Variants in ZNF728 observed in about 807,000 individuals in gnomAD.
ZNF728 encodes the protein zinc finger protein 728.
In ZNF728, 12 loss-of-function variants were observed where a neutral mutation model predicts 12.5. That is an observed-to-expected ratio of 0.96 (90% CI 0.61 to 1.55). ZNF728 has a LOEUF of 1.55. ZNF728 is among the 40% of genes most tolerant of loss of function. The probability of loss-of-function intolerance (pLI) is 0.00; values close to 1 mark genes in which losing one functional copy is unlikely to be tolerated. For synonymous variants in ZNF728, 205 were observed against 240.7 expected (o/e 0.85, Z 1.37); for missense variants, 692 against 719.2 (o/e 0.96, Z 0.43).
intron 1 of ZNF728, among the ~76,000 whole-genome samples, chr19:23,002,728 C>T (rs574309853): frequency 6.6e-6 from 1 of 152,328 alleles, no homozygotes; most frequent in African/African-American, 2.4e-5. Flanking sequence ...TGTGACGACC[C>T]TCCCATGCTC....
intron 1 of ZNF728, among the ~76,000 whole-genome samples, chr19:22,990,707 TAG>T (rs1475236009): frequency 6.6e-6 from 1 of 152,082 alleles, no homozygotes; most frequent in Admixed American, 6.6e-5. Flanking sequence ...GGCCTCACCT[TAG>T]AGTCACATGA....
Position 22,975,745 on chromosome 19 carries a change from G to A in ZNF728, c.1592C>T (p.Thr531Ile), listed in dbSNP as rs1193925607. 3.1e-6 allele frequency: 5 copies of A among 1,611,602 alleles called. No homozygotes were observed. Among genetic ancestry groups the A allele is most frequent in the South Asian group, 2.2e-5 (2 of 91,052 alleles). The change falls in exon 4 of 4, where the codon ACT (threonine) becomes ATT (isoleucine). Residue 531 changes from threonine to isoleucine, a missense_variant. By Grantham distance (89) the Thr-to-Ile change is moderately conservative (BLOSUM62 -1). Coordinates refer to ENST00000594710, the MANE Select transcript of ZNF728 (RefSeq NM_001267716.2). ...ANLTKHKVIH[T>I]GEKQYKCEEC... ...TTCACATTTGTATTGTTTCTCTCCA[G>A]TATGAATTACCTTATGTTTAGTAAG...
chr19:22,975,193 T>C lies in ZNF728; in HGVS notation c.*275A>G, dbSNP rs2042519733. Among the ~76,000 whole-genome samples the C allele has an allele frequency of 6.6e-6, 1 of 152,204 alleles. No individual in the cohort carries two copies. Among genetic ancestry groups the C allele is most frequent in the Non-Finnish European group, 1.5e-5 (1 of 68,034 alleles). On this transcript the variant is annotated 3_prime_UTR_variant, in exon 4 of 4. Coordinates refer to ENST00000594710, the MANE Select transcript of ZNF728 (RefSeq NM_001267716.2). ...TTATGTCTGTTAAGAATTGAGGATC[T>C]GTTAGAGGCTTTCCCACATTCTTCA...
intron 1 of ZNF728, among the ~76,000 whole-genome samples, chr19:23,001,685 T>G (rs1969115292): frequency 6.6e-6 from 1 of 152,188 alleles, no homozygotes; most frequent in African/African-American, 2.4e-5. Flanking sequence ...GAAAAAATAT[T>G]TACAAACAGA....
intron 1 of ZNF728, among the ~76,000 whole-genome samples, chr19:22,993,378 A>G (rs1426936025): frequency 6.6e-6 from 1 of 152,212 alleles, no homozygotes; most frequent in African/African-American, 2.4e-5. Context: ...CTCACTCTGC[A>G]TTTTTGGGTG....
chr19:22,987,737 T>A (rs1385576717), intron 2 of ZNF728, among the ~76,000 whole-genome samples: 2 of 152,194 alleles, frequency 1.3e-5, no homozygotes, highest in East Asian at 1.9e-4. Context: ...AAGGTCAAGA[T>A]GAAACATCTT....
intron 3 of ZNF728, among the ~76,000 whole-genome samples, chr19:22,982,802 T>C (rs1968874659): frequency 6.6e-6 from 1 of 152,162 alleles, no homozygotes; most frequent in African/African-American, 2.4e-5. Context: ...AAAAACTGGC[T>C]AGCCATACTC....
chr19:22,987,267 T>A (rs1291936675), intron 3 of ZNF728, 41 bp downstream of exon 3: 2 of 1,572,772 alleles, frequency 1.3e-6, no homozygotes, highest in South Asian at 2.4e-5. Context: ...TCCTTGACTT[T>A]GGACCTCTCA....
intron 3 of ZNF728, among the ~76,000 whole-genome samples, chr19:22,986,016 C>T (rs572646397): frequency 6.6e-6 from 1 of 152,288 alleles, no homozygotes; most frequent in South Asian, 2.1e-4. Flanking sequence ...ATGGGAATTA[C>T]AACTACCCAA....
Position 22,976,186 on chromosome 19 carries a change from G to C in ZNF728, c.1151C>G (p.Thr384Ser). 2 of 1,612,946 alleles carry C rather than the reference G, an allele frequency of 1.2e-6. No homozygotes were observed. Among genetic ancestry groups the C allele is most frequent in the Non-Finnish European group, 1.7e-6 (2 of 1,179,754 alleles). ...TCCAGCATGAATTCTCTTGTGTTCA[G>C]TAAGGCTTGAGGGCCAGCTGAAGGC... ...GKAFSWPSSL[T>S]EHKRIHAGDK... is the part of the protein sequence containing the mutation. Residue 384 changes from threonine to serine, a missense_variant, in exon 4 of 4, where the codon ACT becomes AGT. This residue lies in a region of ZNF728 where 440 missense variants were observed against 459.6 expected (regional missense o/e 0.96). Transcript: ENST00000594710.
At position 22,977,073 on chromosome 19, in the gene ZNF728, C is replaced by A; in HGVS notation, c.264G>T (p.Glu88Asp). The A allele has an allele frequency of 5.6e-6, 9 of 1,604,954 alleles. No individual in the cohort carries two copies. Among genetic ancestry groups the A allele is most frequent in the Non-Finnish European group, 7.6e-6 (9 of 1,176,692 alleles). ...TTTGGAAAGAATCTTCTCTGCCCTG[C>A]TCTGGCCAAAGGTCTTGAGCAAAAT... is the stretch of plus-strand genomic sequence containing the variant. ...CSHFAQDLWP[E>D]QGREDSFQKV... Residue 88 changes from glutamate to aspartate, a missense_variant, in exon 4 of 4, where the codon GAG becomes GAT. By Grantham distance (45) the Glu-to-Asp change is conservative (BLOSUM62 2). Transcript: ENST00000594710.
chr19:22,989,573 C>T (rs1424614543), intron 1 of ZNF728, among the ~76,000 whole-genome samples: 1 of 152,108 alleles, frequency 6.6e-6, no homozygotes, highest in Non-Finnish European at 1.5e-5. Context: ...ATCAACTACA[C>T]TAGAACAAAT....
In ZNF728 at chr19:22,976,389, T is replaced by C; in HGVS notation, c.948A>G (p.Glu316=). 6.2e-7 allele frequency: 1 copy of C among 1,613,462 alleles called. No homozygotes were observed. The highest frequency in any genetic ancestry group is 8.5e-7 in the Non-Finnish European group (1 of 1,179,944). The change falls in exon 4 of 4, where the codon GAA becomes GAG. Residue 316 remains glutamate, a synonymous_variant. Transcript: ENST00000594710. ...AGGACCGGTTGAAAGCTTTGCCACATTCTTCACATTTGTAGGGTTTCTCTC... is the reference window on the plus strand; with the variant it reads ...AGGACCGGTTGAAAGCTTTGCCACACTCTTCACATTTGTAGGGTTTCTCTC... ...HAGEKPYKCE[E]CGKAFNRSSN...
chr19:22,991,680 C>G (rs1236188708), intron 1 of ZNF728, among the ~76,000 whole-genome samples: 1 of 152,150 alleles, frequency 6.6e-6, no homozygotes, highest in Non-Finnish European at 1.5e-5. Context: ...TCTAAAAAGG[C>G]AACAGGATTC....
rs116724792 is a variant in ZNF728 at position 22,987,857 on chromosome 19, G to A, written c.131-454C>T. 4.7e-3 allele frequency among the ~76,000 whole-genome samples: 709 copies of A among 152,274 alleles called. 4 individuals are homozygous for A. Among genetic ancestry groups the A allele is most frequent in the African/African-American group, 0.014 (572 of 41,556 alleles). Reference sequence around the variant, plus strand: ...CAAAAGAGAAATGATGTTGGGAGCCGAAAGGCTGAGGGTTGTGACCAACTC... The same window carrying A: ...CAAAAGAGAAATGATGTTGGGAGCCAAAAGGCTGAGGGTTGTGACCAACTC... On this transcript the variant is annotated intron_variant, in intron 2 of 3. Coordinates refer to ENST00000594710, the MANE Select transcript of ZNF728 (RefSeq NM_001267716.2).
intron 1 of ZNF728, among the ~76,000 whole-genome samples, chr19:22,996,278 C>T (rs1969049581): frequency 6.6e-6 from 1 of 152,106 alleles, no homozygotes; most frequent in African/African-American, 2.4e-5. Context: ...TATATTCATA[C>T]TATTGTAGAA....
intron 1 of ZNF728, among the ~76,000 whole-genome samples, chr19:23,001,106 C>T (rs1472680378): frequency 1.3e-5 from 2 of 152,090 alleles, no homozygotes; most frequent in Non-Finnish European, 2.9e-5. Context: ...CAAGTTTTTG[C>T]ACCATCTCAC....
chr19:22,998,997 G>T (rs1176545730), intron 1 of ZNF728, among the ~76,000 whole-genome samples: 1 of 152,042 alleles, frequency 6.6e-6, no homozygotes, highest in African/African-American at 2.4e-5. Context: ...TCTTCCCACA[G>T]GCTCCTGAAC....
intron 1 of ZNF728, among the ~76,000 whole-genome samples, chr19:22,994,259 G>A (rs1391004007): frequency 6.6e-6 from 1 of 152,134 alleles, no homozygotes; most frequent in Non-Finnish European, 1.5e-5. Flanking sequence ...GCATATTTAG[G>A]GGACAGCATG....
Sources: gnomAD v4.1 joint callset for allele counts (sites outside exome capture counted in the v4.1 genomes callset) on GRCh38, gnomAD v4.1.1 for gene constraint, gnomAD v4.1.1 regional missense constraint, MANE v1.5 for transcripts, NCBI Gene and HGNC (gene_info 2026-07-23, HGNC 2026-07-21) for gene names.